Variants in HEPACAM observed in about 807,000 individuals in gnomAD.
HEPACAM encodes hepatic and glial cell adhesion molecule, also known as hepatocyte cell adhesion molecule.
HEPACAM carries 18 observed loss-of-function variants against 38.3 expected under a neutral mutation model. The observed-to-expected ratio is 0.47, with a 90% CI of 0.33 to 0.70. HEPACAM has a LOEUF of 0.70. Among genes scored for constraint, HEPACAM ranks in the 30% least tolerant of loss-of-function variants. The pLI is 0.03. For missense variants in HEPACAM, 466 were observed against 563.0 expected (o/e 0.83, Z 1.74); for synonymous variants, 216 against 243.1 (o/e 0.89, Z 1.04).
At chr11:124,932,184 C>A (rs1481085693) in intron 1 of HEPACAM, among the ~76,000 whole-genome samples, 1 of 152,126 alleles carries the variant, frequency 6.6e-6, no homozygotes, top group Non-Finnish European at 1.5e-5. Flanking sequence ...CAAACTGTAT[C>A]TTTAGGCTAA....
intron 1 of HEPACAM, among the ~76,000 whole-genome samples, chr11:124,934,138 T>C (rs548901128): frequency 6.6e-6 from 1 of 152,208 alleles, no homozygotes; most frequent in Non-Finnish European, 1.5e-5. Flanking sequence ...AATCTAAACA[T>C]GTATGATACT....
chr11:124,925,108 GC>G (rs1947190719), intron 1 of HEPACAM, 39 bp from the exon 2 acceptor site: 1 of 1,509,070 alleles, frequency 6.6e-7, no homozygotes, highest in South Asian at 1.3e-5. Flanking sequence ...GAAGCATCAG[GC>G]CCTGGGCTCC....
Position 124,919,761 on chromosome 11 carries a change from G to A in HEPACAM, c.*1377C>T, listed in dbSNP as rs1205375651. ...CCTGGTGTGGAGGTGATGGGTAACT[G>A]GGGCCTTGGAATTGCTCCATGGGTT... On this transcript the variant is annotated 3_prime_UTR_variant, in exon 7 of 7. Transcript: ENST00000298251. 1 of 1,613,688 alleles carries A rather than the reference G, an allele frequency of 6.2e-7. No individual in the cohort carries two copies. Among genetic ancestry groups the A allele is most frequent in the Non-Finnish European group, 8.5e-7 (1 of 1,179,924 alleles).
At position 124,936,035 on chromosome 11, in the gene HEPACAM, A is replaced by C. The variant is rs771453498; in HGVS notation, c.-29T>G. Reference sequence around the variant, plus strand: ...GGGTGGCGTTCTCCAGCTCTAGTGCAGACAATTAGCATGATTTCTCCACTC... The same window carrying C: ...GGGTGGCGTTCTCCAGCTCTAGTGCCGACAATTAGCATGATTTCTCCACTC... On this transcript the variant is annotated 5_prime_UTR_variant, in exon 1 of 7. Transcript: ENST00000298251. 2 of 1,594,088 alleles carry C rather than the reference A, an allele frequency of 1.3e-6. No individual in the cohort carries two copies. The highest frequency in any genetic ancestry group is 1.7e-6 in the Non-Finnish European group (2 of 1,162,322).
intron 1 of HEPACAM, 96 bp downstream of exon 1, chr11:124,935,826 G>T: frequency 1.0e-6 from 1 of 999,168 alleles, no homozygotes; most frequent in East Asian, 2.5e-5. Flanking sequence ...CCCCACTCCT[G>T]CCCCAAAGGC....
chr11:124,919,945 G>T lies in HEPACAM; in HGVS notation c.*1193C>A. 1.2e-6 allele frequency: 2 copies of T among 1,613,912 alleles called. No homozygotes were observed. The highest frequency in any genetic ancestry group is 1.7e-6 in the Non-Finnish European group (2 of 1,179,974). ...TAGATTACTGCCACTCCTATGAACT[G>T]TTCAATAGGCGGTGGCATGGGCATG... On this transcript the variant is annotated 3_prime_UTR_variant, in exon 7 of 7. Transcript: ENST00000298251.
Position 124,920,245 on chromosome 11 carries a change from G to C in HEPACAM, c.*893C>G. 1.1e-6 allele frequency: 1 copy of C among 909,920 alleles called. No homozygotes were observed. Among genetic ancestry groups the C allele is most frequent in the African/African-American group, 1.7e-5 (1 of 59,318 alleles). 56.4% of individuals were successfully genotyped at this position (909,920 alleles called of 1,614,324 possible). On this transcript the variant is annotated 3_prime_UTR_variant, in exon 7 of 7. Coordinates refer to ENST00000298251, the MANE Select transcript of HEPACAM (RefSeq NM_152722.5). ...ATTGTTTGAAAGGCTTGTTTTGTAA[G>C]GAAGCCAGGAGGAATATATGAGTTT...
intron 1 of HEPACAM, 89 bp downstream of exon 1, chr11:124,935,833 A>G: frequency 1.8e-6 from 2 of 1,083,518 alleles, no homozygotes; most frequent in Non-Finnish European, 2.8e-6. Flanking sequence ...CCTGCCCCAA[A>G]GGCATTCAGG....
intron 4 of HEPACAM, 81 bp downstream of exon 4, chr11:124,923,259 T>C: frequency 1.1e-6 from 1 of 949,092 alleles, no homozygotes; most frequent in Non-Finnish European, 1.7e-6. Context: ...AGGAAAGGCA[T>C]TTAAAGAGAC....
chr11:124,930,219 T>C (rs933909603), intron 1 of HEPACAM, among the ~76,000 whole-genome samples: 6 of 152,234 alleles, frequency 3.9e-5, no homozygotes, highest in African/African-American at 1.4e-4. Flanking sequence ...ATATTGTTTC[T>C]GCTTTTGGTT....
intron 1 of HEPACAM, among the ~76,000 whole-genome samples, chr11:124,934,570 G>A (rs971718649): frequency 6.6e-6 from 1 of 151,596 alleles, no homozygotes; most frequent in African/African-American, 2.4e-5. Context: ...ACAAGTCAAG[G>A]AATTACCAGA....
chr11:124,931,833 G>T (rs552365636), intron 1 of HEPACAM, among the ~76,000 whole-genome samples: 1 of 152,328 alleles, frequency 6.6e-6, no homozygotes, highest in East Asian at 1.9e-4. Context: ...GGTTGGATTG[G>T]TTTGGAAACA....
chr11:124,922,954 C>G, intron 4 of HEPACAM, 136 bp from the exon 5 acceptor site: 1 of 896,290 alleles, frequency 1.1e-6, no homozygotes, highest in Non-Finnish European at 1.8e-6. Context: ...AGTTCATGAG[C>G]TTTGGAAGGA....
In HEPACAM at chr11:124,925,087, T is replaced by C. The variant is rs765866492; in HGVS notation, c.86-18A>G. On this transcript the variant is annotated intron_variant, in intron 1 of 6. Transcript: ENST00000298251. ...CAGGGGGTCTGTGAACAGAGGCCCA[T>C]GAGGAAGAGGGAAGCATCAGGCCCT... 6 of 1,561,038 alleles carry C rather than the reference T, an allele frequency of 3.8e-6. No homozygotes were observed. The Admixed American group carries it at 1.1e-4, about 28-fold the overall frequency.
intron 1 of HEPACAM, among the ~76,000 whole-genome samples, chr11:124,928,234 C>A (rs1161449426): frequency 6.6e-6 from 1 of 152,192 alleles, no homozygotes; most frequent in Non-Finnish European, 1.5e-5. Context: ...GCCACATGAT[C>A]CTTAAGGTTT....
At chr11:124,935,641 A>G (rs943491544) in intron 1 of HEPACAM, among the ~76,000 whole-genome samples, 1 of 152,190 alleles carries the variant, frequency 6.6e-6, no homozygotes, top group Non-Finnish European at 1.5e-5. Flanking sequence ...GTCATCCCAT[A>G]CGAAATGGCC....
intron 3 of HEPACAM, 46 bp downstream of exon 3, chr11:124,923,683 C>G (rs776814349): frequency 6.2e-7 from 1 of 1,610,674 alleles, no homozygotes. Context: ...GGTCACCTGC[C>G]TCTTGGGGCT....
chr11:124,921,521 T>A lies in HEPACAM; in HGVS notation c.949-81A>T. On this transcript the variant is annotated intron_variant, in intron 6 of 6. Coordinates refer to ENST00000298251, the MANE Select transcript of HEPACAM (RefSeq NM_152722.5). The surrounding 1 kb of genome is among the most constrained non-coding windows in gnomAD (Gnocchi z 4.6). ...GCCTGGTGTTAGAGCTTGCTGGAAT[T>A]CCGAGGGGAGGGACCTAGTTTCCCT... The A allele has an allele frequency of 1.1e-6, 1 of 938,418 alleles. No homozygotes were observed. The highest frequency in any genetic ancestry group is 1.4e-6 in the Non-Finnish European group (1 of 720,380). The allele number at this position is 938,418 out of a possible 1,614,324, so 58.1% of individuals were successfully genotyped here. A position where few individuals can be genotyped will look rare whatever the true frequency, so the allele number is the denominator to read the frequency against.
At chr11:124,932,674 C>T (rs1947292746) in intron 1 of HEPACAM, among the ~76,000 whole-genome samples, 1 of 152,122 alleles carries the variant, frequency 6.6e-6, no homozygotes. Flanking sequence ...ATTTCCCAGC[C>T]AGCTTCCCTT....
Sources: gnomAD v4.1 joint callset for allele counts (sites outside exome capture counted in the v4.1 genomes callset) on GRCh38, gnomAD v4.1.1 for gene constraint, Gnocchi (gnomAD v3.1) non-coding constraint, MANE v1.5 for transcripts, NCBI Gene and HGNC (gene_info 2026-07-23, HGNC 2026-07-21) for gene names.